Variants in HECW1 observed in about 807,000 individuals in gnomAD.
HECW1 encodes HECT, C2 and WW domain containing E3 ubiquitin protein ligase 1.
HECW1 carries 61 observed loss-of-function variants against 182.3 expected under a neutral mutation model. That is an observed-to-expected ratio of 0.33 (90% CI 0.27 to 0.41). The LOEUF is 0.41. HECW1 is among the 10% of genes least tolerant of loss of function. The pLI, the probability that HECW1 is intolerant of heterozygous loss-of-function variation, is 1.00. For missense variants in HECW1, 1,739 were observed against 2,108.9 expected (o/e 0.82, Z 3.44); for synonymous variants, 859 against 832.6 (o/e 1.03, Z -0.55).
chr7:43,191,687 G>T (rs1298095647), intron 2 of HECW1, among the ~76,000 whole-genome samples: 1 of 152,084 alleles, frequency 6.6e-6, no homozygotes, highest in East Asian at 1.9e-4. Flanking sequence ...AGACTACAAG[G>T]TTCTCCTGTG....
chr7:43,425,634 G>A (rs745698617), intron 8 of HECW1, among the ~76,000 whole-genome samples: 36 of 152,130 alleles, frequency 2.4e-4, no homozygotes, highest in Non-Finnish European at 5.0e-4. Flanking sequence ...TCTGGAAGCT[G>A]GGAAGTCCAG....
chr7:43,417,872 G>A (rs1486336378), intron 8 of HECW1, among the ~76,000 whole-genome samples: 1 of 152,088 alleles, frequency 6.6e-6, no homozygotes, highest in Non-Finnish European at 1.5e-5. Flanking sequence ...GCATTCCCAG[G>A]CATGGTTTTT....
chr7:43,468,171 C>G (rs1301003083), intron 15 of HECW1, among the ~76,000 whole-genome samples: 1 of 152,078 alleles, frequency 6.6e-6, no homozygotes, highest in Non-Finnish European at 1.5e-5. Context: ...ATCCTCCAAC[C>G]CCCCTACACA....
chr7:43,471,185 T>C (rs2078008279), intron 16 of HECW1, among the ~76,000 whole-genome samples: 1 of 152,196 alleles, frequency 6.6e-6, no homozygotes, highest in South Asian at 2.1e-4. Context: ...TAAAAGAATA[T>C]CTCATTGCCA....
intron 21 of HECW1, 101 bp from the exon 22 acceptor site, chr7:43,507,036 C>G (rs1055021935): frequency 1.8e-5 from 25 of 1,424,994 alleles, no homozygotes; most frequent in Non-Finnish European, 2.3e-5. Context: ...CACCACTGCA[C>G]TCCAGCCTGG....
intron 3 of HECW1, among the ~76,000 whole-genome samples, chr7:43,290,982 C>T (rs1416132982): frequency 2.6e-5 from 4 of 152,232 alleles, no homozygotes; most frequent in Admixed American, 6.5e-5. Context: ...AGAATACTCA[C>T]AGTGGTAACA....
chr7:43,239,122 G>A (rs1798645003), intron 2 of HECW1: 1 of 152,148 alleles, frequency 6.6e-6, no homozygotes, highest in African/African-American at 2.4e-5. Context: ...AGACGGCCAC[G>A]TTTTTGGCCT....
chr7:43,250,118 AACACACACACACAC>A (rs10648012), intron 3 of HECW1, among the ~76,000 whole-genome samples: 28,513 of 151,108 alleles, frequency 0.19, 3,371 homozygotes, highest in Middle Eastern at 0.33. Context: ...TTTTAACCAA[AACACACACACACAC>A]ACGCGCACAC....
intron 7 of HECW1, among the ~76,000 whole-genome samples, chr7:43,406,489 A>G (rs1303252219): frequency 6.6e-6 from 1 of 152,234 alleles, no homozygotes; most frequent in Admixed American, 6.5e-5. Flanking sequence ...GTAACAAATT[A>G]TTGAAACCCC....
chr7:43,479,642 C>T lies in HECW1; in HGVS notation c.3132C>T (p.Thr1044=). The T allele has an allele frequency of 8.1e-6, 13 of 1,614,088 alleles. No individual in the cohort carries two copies. The highest frequency in any genetic ancestry group is 1.1e-5 in the Non-Finnish European group (13 of 1,180,004). ...TCGTGGACCACAACAGTCGAGCTAC[C>T]ACTTTCATTGACCCCCGAATCCCTC... ...SFFVDHNSRA[T]TFIDPRIPLQ... is the part of the protein sequence containing the mutation. The change falls in exon 17 of 30, where the codon ACC becomes ACT. Residue 1044 remains threonine (T), a synonymous_variant. Coordinates refer to ENST00000395891, the MANE Select transcript of HECW1 (RefSeq NM_015052.5).
At chr7:43,213,484 C>T (rs1583999172) in intron 2 of HECW1, among the ~76,000 whole-genome samples, 1 of 131,968 alleles carries the variant, frequency 7.6e-6, no homozygotes, top group South Asian at 2.4e-4. Context: ...CTCGCTCTGT[C>T]GCCCAGGCTG....
intron 21 of HECW1, among the ~76,000 whole-genome samples, chr7:43,506,574 T>C (rs1033550265): frequency 2.0e-5 from 3 of 152,168 alleles, no homozygotes; most frequent in Non-Finnish European, 4.4e-5. Context: ...AAGAAAAATA[T>C]GGAGATGCCA....
At chr7:43,454,962 G>A (rs751312546) in intron 12 of HECW1, among the ~76,000 whole-genome samples, 7 of 152,066 alleles carry the variant, frequency 4.6e-5, no homozygotes, top group African/African-American at 1.7e-4. Flanking sequence ...AATGTGATAT[G>A]TGGACTCTAA....
intron 2 of HECW1, among the ~76,000 whole-genome samples, chr7:43,149,695 T>C (rs1243006787): frequency 1.3e-5 from 2 of 152,192 alleles, no homozygotes; most frequent in African/African-American, 4.8e-5. Flanking sequence ...AACTTTTCTA[T>C]AAGCCTAAAA....
At chr7:43,202,613 A>G (rs1795109422) in intron 2 of HECW1, among the ~76,000 whole-genome samples, 1 of 151,906 alleles carries the variant, frequency 6.6e-6, no homozygotes, top group African/African-American at 2.4e-5. Flanking sequence ...AGCTGGGGTT[A>G]CAGGCACCTG....
intron 8 of HECW1, among the ~76,000 whole-genome samples, chr7:43,409,463 TTAAG>T (rs2075725779): frequency 3.9e-5 from 6 of 152,350 alleles, no homozygotes; most frequent in Admixed American, 3.3e-4. Context: ...TAAAGGTGTT[TTAAG>T]TGTCAGGGAA....
intron 24 of HECW1, among the ~76,000 whole-genome samples, chr7:43,516,143 T>C (rs1338066394): frequency 6.6e-6 from 1 of 152,228 alleles, no homozygotes; most frequent in Non-Finnish European, 1.5e-5. Context: ...AATATGTTTA[T>C]AATTCGTTGT....
At chr7:43,213,439 ATTTTT>A (rs35199868) in intron 2 of HECW1, among the ~76,000 whole-genome samples, 2 of 92,476 alleles carry the variant, frequency 2.2e-5, no homozygotes, top group African/African-American at 8.2e-5. Context: ...GATCATAAGA[ATTTTT>A]TTTTTTTTTT....
intron 3 of HECW1, among the ~76,000 whole-genome samples, chr7:43,289,024 A>G (rs750218583): frequency 7.2e-5 from 11 of 152,160 alleles, no homozygotes; most frequent in Non-Finnish European, 1.5e-4. Flanking sequence ...CATGGCCTAC[A>G]ACAGTGCCTG....
Sources: allele counts gnomAD v4.1 joint callset (sites outside exome capture counted in the v4.1 genomes callset), GRCh38; gene constraint gnomAD v4.1.1; transcripts MANE v1.5; gene names NCBI Gene and HGNC (gene_info 2026-07-23, HGNC 2026-07-21).